MAP2K5: variants seen among roughly 807,000 people sequenced by gnomAD.
The protein encoded by MAP2K5 is dual specificity mitogen-activated protein kinase kinase 5.
MAP2K5 carries 49 observed loss-of-function variants against 83.1 expected under a neutral mutation model. The ratio of observed to expected loss-of-function variants is 0.59; its 90% confidence interval spans 0.47 to 0.75. The LOEUF (loss-of-function observed/expected upper bound fraction) is 0.75. Among genes scored for constraint, MAP2K5 ranks in the 30% least tolerant of loss-of-function variants. The pLI, the probability that MAP2K5 is intolerant of heterozygous loss-of-function variation, is 0.00. For synonymous variants in MAP2K5, 202 were observed against 191.8 expected (o/e 1.05, Z -0.44); for missense variants, 457 against 557.5 (o/e 0.82, Z 1.82).
At chr15:67,643,953 G>A (rs1320807407) in intron 9 of MAP2K5, among the ~76,000 whole-genome samples, 1 of 152,134 alleles carries the variant, frequency 6.6e-6, no homozygotes, top group African/African-American at 2.4e-5. Context: ...AATACAAAAT[G>A]TAATTCAAAG....
Position 67,806,942 on chromosome 15 carries a change from C to T in MAP2K5, c.*192C>T. ...TGTGGCCCACCCCACCAGGCCATCC[C>T]CATACCTTCTGGTTTGAAGGCGCTG... is the stretch of plus-strand genomic sequence containing the variant. On this transcript the variant is annotated 3_prime_UTR_variant, in exon 22 of 22. Transcript: ENST00000178640. 6.4e-7 allele frequency: 1 copy of T among 1,572,840 alleles called. No homozygotes were observed. Among genetic ancestry groups the T allele is most frequent in the Non-Finnish European group, 8.6e-7 (1 of 1,167,548 alleles).
In MAP2K5 at chr15:67,743,590, G is replaced by C. The variant is rs553835287; in HGVS notation, c.1075-4641G>C. On this transcript the variant is annotated intron_variant, in intron 17 of 21. Transcript: ENST00000178640. ...ATTTGTTTGGGAACTCTTTAAGTTA[G>C]TGGTACTAGGCAATGTATATAAAGC... is the stretch of plus-strand genomic sequence containing the variant. Among the ~76,000 whole-genome samples, 9 of 152,288 alleles carry C rather than the reference G, an allele frequency of 5.9e-5. No homozygotes were observed. In the South Asian group the frequency reaches 1.7e-3, roughly 28 times the overall value.
chr15:67,748,339 T>G lies in MAP2K5; in HGVS notation c.1101+82T>G. ...CTTTGCATGCTTGAATGCCTTGTTT[T>G]AAACTTAGCAAATTGCATTTTGAAG... On this transcript the variant is annotated intron_variant, in intron 18 of 21. Coordinates refer to ENST00000178640, the MANE Select transcript of MAP2K5 (RefSeq NM_145160.3). This position sits in a 1 kb window ranked among gnomAD's most constrained non-coding sequence, Gnocchi z 4.0. The G allele has an allele frequency of 1.6e-6, 2 of 1,229,740 alleles. No individual in the cohort carries two copies. Among genetic ancestry groups the G allele is most frequent in the Non-Finnish European group, 2.4e-6 (2 of 842,400 alleles). 76.2% of individuals were successfully genotyped at this position (1,229,740 alleles called of 1,614,324 possible).
chr15:67,628,537 T>C, intron 8 of MAP2K5: 2 of 872,318 alleles, frequency 2.3e-6, no homozygotes, highest in Admixed American at 3.5e-5. Flanking sequence ...CCTAAGAGAT[T>C]ATTTTGAATA....
chr15:67,686,024 A>G (rs1425816633), intron 13 of MAP2K5, among the ~76,000 whole-genome samples: 1 of 152,220 alleles, frequency 6.6e-6, no homozygotes, highest in East Asian at 1.9e-4. Flanking sequence ...CTTAGAAGCA[A>G]ATAGTAGAGA....
In MAP2K5 at chr15:67,637,605, T is replaced by A. The variant is rs2086629516; in HGVS notation, c.585+6678T>A. On this transcript the variant is annotated intron_variant, in intron 9 of 21. Coordinates refer to ENST00000178640, the MANE Select transcript of MAP2K5 (RefSeq NM_145160.3). This position sits in a 1 kb window ranked among gnomAD's most constrained non-coding sequence, Gnocchi z 4.5. ...TGATCTCCTGACATCTATGTACAGATCATTCATTACTCAGCTGAAGACTCC... is the reference window on the plus strand; with the variant it reads ...TGATCTCCTGACATCTATGTACAGAACATTCATTACTCAGCTGAAGACTCC... 6.6e-6 allele frequency among the ~76,000 whole-genome samples: 1 copy of A among 152,126 alleles called. No individual in the cohort carries two copies. The highest frequency in any genetic ancestry group is 2.4e-5 in the African/African-American group (1 of 41,436).
At chr15:67,662,313 C>T (rs2087257118) in intron 12 of MAP2K5, among the ~76,000 whole-genome samples, 1 of 152,110 alleles carries the variant, frequency 6.6e-6, no homozygotes, top group South Asian at 2.1e-4. Context: ...CCTTGATCAA[C>T]TAGAATTCTT....
rs2084702769 is a variant in MAP2K5 at position 67,559,991 on chromosome 15, G to A, written c.185-3292G>A. On this transcript the variant is annotated intron_variant, in intron 2 of 21. Transcript: ENST00000178640. This position sits in a 1 kb window ranked among gnomAD's most constrained non-coding sequence, Gnocchi z 4.7. Reference sequence around the variant, plus strand: ...AGTTTAGTAAGTTTTTATGATTTATGGTTCCAGCTAGTGTAATTTTTACAG... The same window carrying A: ...AGTTTAGTAAGTTTTTATGATTTATAGTTCCAGCTAGTGTAATTTTTACAG... Among the ~76,000 whole-genome samples, 1 of 152,212 alleles carries A rather than the reference G, an allele frequency of 6.6e-6. No individual in the cohort carries two copies. The highest frequency in any genetic ancestry group is 2.4e-5 in the African/African-American group (1 of 41,458).
intron 17 of MAP2K5, among the ~76,000 whole-genome samples, chr15:67,735,453 C>G (rs987852067): frequency 1.3e-5 from 2 of 152,196 alleles, no homozygotes; most frequent in African/African-American, 4.8e-5. Flanking sequence ...CATCTCAATT[C>G]AACATTATTT....
At position 67,543,419 on chromosome 15, in the gene MAP2K5, G is replaced by A. The variant is rs769946210; in HGVS notation, c.84G>A (p.Ala28=). 6.2e-7 allele frequency: 1 copy of A among 1,614,156 alleles called. No homozygotes were observed. Among genetic ancestry groups the A allele is most frequent in the African/African-American group, 1.3e-5 (1 of 75,036 alleles). Reference sequence around the variant, plus strand: ...GCATCAAGATCCCAAATAGTGGCGCGGTGGACTGGACAGTGCACTCCGGGC... The same window carrying A: ...GCATCAAGATCCCAAATAGTGGCGCAGTGGACTGGACAGTGCACTCCGGGC... ...VIRIKIPNSG[A]VDWTVHSGPQ... is the part of the protein sequence containing the mutation. The change falls in exon 1 of 22, where the codon GCG becomes GCA. Residue 28 remains alanine, a synonymous_variant. Coordinates refer to ENST00000178640, the MANE Select transcript of MAP2K5 (RefSeq NM_145160.3). The surrounding 1 kb of genome is among the most constrained non-coding windows in gnomAD (Gnocchi z 4.3).
rs1375333151 is a variant in MAP2K5, at chr15:67,637,879, T to A, written c.585+6952T>A. On this transcript the variant is annotated intron_variant, in intron 9 of 21. Transcript: ENST00000178640. The surrounding 1 kb of genome is among the most constrained non-coding windows in gnomAD (Gnocchi z 4.5). ...TCTTTCAGGGATCACTGCCCCATTC[T>A]GGCTAATGTCCAATGTCTGGAAGCC... Among the ~76,000 whole-genome samples, 1 of 151,638 alleles carries A rather than the reference T, an allele frequency of 6.6e-6. No individual in the cohort carries two copies. Among genetic ancestry groups the A allele is most frequent in the African/African-American group, 2.4e-5 (1 of 41,264 alleles).
chr15:67,795,878 A>G (rs1029798810), intron 21 of MAP2K5, among the ~76,000 whole-genome samples: 1 of 152,086 alleles, frequency 6.6e-6, no homozygotes, highest in Non-Finnish European at 1.5e-5. Flanking sequence ...TTTTTGCTTT[A>G]TATGTTTTAA....
intron 8 of MAP2K5, among the ~76,000 whole-genome samples, chr15:67,620,107 A>C (rs4293328): frequency 0.98 from 148,693 of 152,356 alleles, 72,677 homozygotes; most frequent in Middle Eastern, 1. Flanking sequence ...TGCAGCGGCT[A>C]ACGCCTGTAA....
chr15:67,580,207 G>T (rs1308942241), intron 3 of MAP2K5, among the ~76,000 whole-genome samples: 3 of 152,150 alleles, frequency 2.0e-5, no homozygotes, highest in African/African-American at 7.2e-5. Flanking sequence ...AGCATAAAAG[G>T]TATGTTTGTT....
chr15:67,551,012 T>A (rs1464203375), intron 2 of MAP2K5, among the ~76,000 whole-genome samples: 3 of 152,120 alleles, frequency 2.0e-5, no homozygotes, highest in Non-Finnish European at 1.5e-5. Context: ...CCTCAAGTGA[T>A]CCACCCACCT....
intron 13 of MAP2K5, among the ~76,000 whole-genome samples, chr15:67,672,193 G>A (rs1180277603): frequency 6.6e-6 from 1 of 150,944 alleles, no homozygotes; most frequent in Non-Finnish European, 1.5e-5. Flanking sequence ...TGGGATGGCT[G>A]GGTCAAATGG....
rs535426418 is a variant in MAP2K5, at chr15:67,553,730, G to A, written c.184+3648G>A. ...AGATCGAGACCATCCTGGCTAACAA[G>A]GTGAAACCCCGTCTCTACTAAAAAT... On this transcript the variant is annotated intron_variant, in intron 2 of 21. Transcript: ENST00000178640. Among the ~76,000 whole-genome samples, 155 of 151,742 alleles carry A rather than the reference G, an allele frequency of 1.0e-3. 1 individual carries two copies. The highest frequency in any genetic ancestry group is 3.5e-3 in the African/African-American group (145 of 41,346).
rs946730745 is a variant in MAP2K5, at chr15:67,698,724, A to G, written c.973-4613A>G. Among the ~76,000 whole-genome samples, 1 of 152,184 alleles carries G rather than the reference A, an allele frequency of 6.6e-6. No individual in the cohort carries two copies. Among genetic ancestry groups the G allele is most frequent in the Non-Finnish European group, 1.5e-5 (1 of 68,024 alleles). Reference sequence around the variant, plus strand: ...TCTCTAGAACATTTTTTTCTGCCCAAGCTATTCCAGTTCTTGGTAATTGTC... The same window carrying G: ...TCTCTAGAACATTTTTTTCTGCCCAGGCTATTCCAGTTCTTGGTAATTGTC... On this transcript the variant is annotated intron_variant, in intron 15 of 21. Transcript: ENST00000178640. This position sits in a 1 kb window ranked among gnomAD's most constrained non-coding sequence, Gnocchi z 4.5.
At chr15:67,754,246 TG>T (rs1482966778) in intron 19 of MAP2K5, among the ~76,000 whole-genome samples, 1 of 152,220 alleles carries the variant, frequency 6.6e-6, no homozygotes, top group Non-Finnish European at 1.5e-5. Context: ...TTTTATTTTT[TG>T]TGAATTTTAT....
Sources: gnomAD v4.1 joint callset for allele counts (sites outside exome capture counted in the v4.1 genomes callset) on GRCh38, gnomAD v4.1.1 for gene constraint, Gnocchi (gnomAD v3.1) non-coding constraint, MANE v1.5 for transcripts, NCBI Gene and HGNC (gene_info 2026-07-23, HGNC 2026-07-21) for gene names.